PKD2L1: variants seen among roughly 807,000 people sequenced by gnomAD.
PKD2L1 encodes polycystin 2 like 1, transient receptor potential cation channel.
Under a neutral mutation model 93.0 loss-of-function variants are expected in PKD2L1, and 77 were observed. That is an observed-to-expected ratio of 0.83 (90% CI 0.69 to 1.00). The LOEUF is 1.00. Among genes scored for constraint, PKD2L1 ranks in the 50% least tolerant of loss-of-function variants. PKD2L1 has a pLI of 0.00. For synonymous variants in PKD2L1, 390 were observed against 388.0 expected, an observed-to-expected ratio of 1.01 and a Z score of -0.06; for missense variants, 977 against 990.9, an observed-to-expected ratio of 0.99 and a Z score of 0.19.
At chr10:100,325,283 C>T (rs1281255966) in intron 2 of PKD2L1, among the ~76,000 whole-genome samples, 1 of 152,130 alleles carries the variant, frequency 6.6e-6, no homozygotes, top group Non-Finnish European at 1.5e-5. Flanking sequence ...CCACTGAGAA[C>T]CTATGGTCTA....
rs149044430 is a variant in PKD2L1, at chr10:100,327,324, C to T, written c.349+1887G>A. 2.2e-3 allele frequency among the ~76,000 whole-genome samples: 329 copies of T among 152,362 alleles called. 2 individuals are homozygous for T. Among genetic ancestry groups the T allele is most frequent in the African/African-American group, 7.5e-3 (313 of 41,582 alleles). ...CTAAAATTAGATGAGCTCTAAACCC[C>T]TGTCTGCTCAAGGACTCTGTAATTA... On this transcript the variant is annotated intron_variant, in intron 2 of 15. Coordinates refer to ENST00000318222, the MANE Select transcript of PKD2L1 (RefSeq NM_016112.3).
At chr10:100,321,880 G>C (rs1392161861) in intron 2 of PKD2L1, among the ~76,000 whole-genome samples, 1 of 64,810 alleles carries the variant, frequency 1.5e-5, no homozygotes, top group East Asian at 4.2e-4. Flanking sequence ...GGCAGGCAGG[G>C]AGGGAGGGAG....
chr10:100,317,546 C>A (rs1849128065), intron 2 of PKD2L1, among the ~76,000 whole-genome samples: 1 of 152,096 alleles, frequency 6.6e-6, no homozygotes, highest in African/African-American at 2.4e-5. Flanking sequence ...TCAAAACAAA[C>A]AAACAAAGAA....
Position 100,295,134 on chromosome 10 carries a change from C to G in PKD2L1, c.1357-11G>C, listed in dbSNP as rs997523645. Reference sequence around the variant, plus strand: ...GATGTACTTGAATATCTGGAAGGACCATGTTGAACCAAGGGATGAAGAAGG... The same window carrying G: ...GATGTACTTGAATATCTGGAAGGACGATGTTGAACCAAGGGATGAAGAAGG... On this transcript the variant is annotated splice_polypyrimidine_tract_variant and intron_variant, in intron 7 of 15. Transcript: ENST00000318222. 4 of 1,609,344 alleles carry G rather than the reference C, an allele frequency of 2.5e-6. No individual in the cohort carries two copies. In the African/African-American group the frequency reaches 5.4e-5, roughly 22 times the overall value.
chr10:100,290,370 C>T (rs781340913), intron 13 of PKD2L1, 31 bp downstream of exon 13: 66 of 1,470,704 alleles, frequency 4.5e-5, no homozygotes, highest in Non-Finnish European at 3.1e-5. Flanking sequence ...GTGTTGCCAG[C>T]CCTGAACCAG....
chr10:100,289,101 T>C, intron 14 of PKD2L1, 45 bp from the exon 15 acceptor site: 2 of 1,396,326 alleles, frequency 1.4e-6, no homozygotes. Flanking sequence ...AAATAGTTTG[T>C]GTACCACTTT....
At chr10:100,314,763 G>A (rs1316719780) in intron 2 of PKD2L1, among the ~76,000 whole-genome samples, 1 of 151,668 alleles carries the variant, frequency 6.6e-6, no homozygotes, top group Non-Finnish European at 1.5e-5. Context: ...GGCCGGGTGC[G>A]CTGGCTAGCC....
chr10:100,299,560 A>C, intron 3 of PKD2L1, 31 bp downstream of exon 3: 1 of 1,607,004 alleles, frequency 6.2e-7, no homozygotes, highest in African/African-American at 1.3e-5. Flanking sequence ...TGAGAAAGAG[A>C]GGGGAGGGGT....
chr10:100,290,113 C>G lies in PKD2L1; in HGVS notation c.2152G>C (p.Glu718Gln), dbSNP rs552242729. ...YMLTRRVLQL[E>Q]TVLEGVVSQI... is the part of the protein sequence containing the mutation. ...GACACTACTCCTTCCAGGACAGTCT[C>G]CAGCTGCAGAACTCTCCTTGTGAGC... Residue 718 changes from glutamate (E) to glutamine (Q), a missense_variant, in exon 14 of 16, where the codon GAG becomes CAG. By Grantham distance (29) the Glu-to-Gln change is conservative (BLOSUM62 2). Transcript: ENST00000318222. The G allele has an allele frequency of 5.0e-6, 8 of 1,614,116 alleles. No homozygotes were observed. The African/African-American group carries it at 9.3e-5, about 19-fold the overall frequency.
chr10:100,302,256 TACACACAC>T (rs56239118), intron 2 of PKD2L1, among the ~76,000 whole-genome samples: 18,472 of 147,076 alleles, frequency 0.13, 1,160 homozygotes, highest in Admixed American at 0.15. Context: ...CACACACGCA[TACACACAC>T]ACACACACAC....
chr10:100,290,596 A>G lies in PKD2L1; in HGVS notation c.2008-77T>C. ...CAGCTCCTGTTCTATCACCTACTCTACTGGGATCTCAGGACCAAGGCTCAG... is the reference window on the plus strand; with the variant it reads ...CAGCTCCTGTTCTATCACCTACTCTGCTGGGATCTCAGGACCAAGGCTCAG... On this transcript the variant is annotated intron_variant, in intron 12 of 15. Transcript: ENST00000318222. 3 of 868,570 alleles carry G rather than the reference A, an allele frequency of 3.5e-6. No homozygotes were observed. In the Admixed American group the frequency reaches 5.8e-5, roughly 17 times the overall value. The allele number at this position is 868,570 out of a possible 1,614,324, so 53.8% of individuals were successfully genotyped here.
intron 2 of PKD2L1, among the ~76,000 whole-genome samples, chr10:100,302,436 C>T (rs1021595914): frequency 6.6e-5 from 10 of 152,076 alleles, no homozygotes; most frequent in African/African-American, 2.2e-4. Flanking sequence ...GTAACTCACA[C>T]CTGTAATCCT....
At chr10:100,310,209 C>A (rs116467041) in intron 2 of PKD2L1, among the ~76,000 whole-genome samples, 39 of 152,286 alleles carry the variant, frequency 2.6e-4, no homozygotes, top group African/African-American at 9.1e-4. Flanking sequence ...TGGCACACAT[C>A]TGTAGCCCCA....
chr10:100,297,742 G>A (rs1231799193), intron 4 of PKD2L1, 136 bp from the exon 5 acceptor site: 16 of 446,540 alleles, frequency 3.6e-5, no homozygotes, highest in Admixed American at 1.6e-4. Context: ...GTGTGTGTGT[G>A]TGTATGAGAT....
Position 100,288,456 on chromosome 10 carries a change from C to G in PKD2L1, c.2358G>C (p.Glu786Asp), listed in dbSNP as rs991260166. The change falls in exon 16 of 16, where the codon GAG becomes GAC. Residue 786 changes from glutamate (E) to aspartate (D), a missense_variant. Physicochemically the swap from Glu to Asp is conservative, Grantham distance 45 (BLOSUM62 2). Coordinates refer to ENST00000318222, the MANE Select transcript of PKD2L1 (RefSeq NM_016112.3). ...AGAGTCTCCTCTCCTCTAAGGCTTC[C>G]TCTTCTCTTTTATAGGGAACCTCTG... ...QESEVPYKRE[E>D]EALEERRLSR... 6.2e-7 allele frequency: 1 copy of G among 1,611,296 alleles called. No homozygotes were observed. The highest frequency in any genetic ancestry group is 8.5e-7 in the Non-Finnish European group (1 of 1,177,558).
chr10:100,327,105 T>C (rs1232320756), intron 2 of PKD2L1, among the ~76,000 whole-genome samples: 1 of 152,166 alleles, frequency 6.6e-6, no homozygotes, highest in African/African-American at 2.4e-5. Flanking sequence ...GTTATCTATG[T>C]GTTTCTCAGT....
intron 2 of PKD2L1, among the ~76,000 whole-genome samples, chr10:100,328,520 C>T (rs1337438879): frequency 2.0e-5 from 3 of 151,960 alleles, no homozygotes; most frequent in South Asian, 2.1e-4. Context: ...AAACATGCAT[C>T]GGATATAGTA....
At position 100,293,071 on chromosome 10, in the gene PKD2L1, T is replaced by G. The variant is rs1171385053; in HGVS notation, c.1759-2A>C. On this transcript the variant is annotated splice_acceptor_variant, in intron 10 of 15. Coordinates refer to ENST00000318222, the MANE Select transcript of PKD2L1 (RefSeq NM_016112.3). LOFTEE classifies it high-confidence loss of function. ...TCTTAGTAGGGTCTTGTTGTAGCCC[T>G]GAAAGGGAAAGGAAATAGGCACAAG... is the stretch of plus-strand genomic sequence containing the variant. 1 of 1,613,286 alleles carries G rather than the reference T, an allele frequency of 6.2e-7. No individual in the cohort carries two copies. The highest frequency in any genetic ancestry group is 8.5e-7 in the Non-Finnish European group (1 of 1,179,652).
At chr10:100,311,707 C>T (rs1048659920) in intron 2 of PKD2L1, among the ~76,000 whole-genome samples, 3 of 152,166 alleles carry the variant, frequency 2.0e-5, no homozygotes, top group Non-Finnish European at 4.4e-5. Context: ...ACACAGTTGT[C>T]CTTTCCAACA....
Sources: gnomAD v4.1 joint callset for allele counts (sites outside exome capture counted in the v4.1 genomes callset) on GRCh38, gnomAD v4.1.1 for gene constraint, MANE v1.5 for transcripts, NCBI Gene and HGNC (gene_info 2026-07-23, HGNC 2026-07-21) for gene names.